RERE: variants seen among roughly 807,000 people sequenced by gnomAD.
RERE encodes arginine-glutamic acid dipeptide repeats, also known as arginine-glutamic acid dipeptide repeats protein.
Under a neutral mutation model 146.1 loss-of-function variants are expected in RERE, and 40 were observed. That is an observed-to-expected ratio of 0.27 (90% CI 0.21 to 0.36). The LOEUF (loss-of-function observed/expected upper bound fraction) is 0.36. Among genes scored for constraint, RERE ranks in the 10% least tolerant of loss-of-function variants. The probability of loss-of-function intolerance (pLI) is 1.00; values close to 1 mark genes in which losing one functional copy is unlikely to be tolerated. For synonymous variants in RERE, 1,003 were observed against 866.0 expected, an observed-to-expected ratio of 1.16 and a Z score of -2.78; for missense variants, 1,933 against 2,138.7, an observed-to-expected ratio of 0.90 and a Z score of 1.90.
intron 4 of RERE, among the ~76,000 whole-genome samples, chr1:8,605,260 G>A (rs921572458): frequency 6.6e-6 from 1 of 152,112 alleles, no homozygotes; most frequent in African/African-American, 2.4e-5. Context: ...AGCCTCCCAA[G>A]TAGCTGGGAC....
At chr1:8,650,960 A>C (rs1346855826) in intron 2 of RERE, among the ~76,000 whole-genome samples, 1 of 149,512 alleles carries the variant, frequency 6.7e-6, no homozygotes, top group Non-Finnish European at 1.5e-5. Flanking sequence ...AGCTGGGTGT[A>C]GTGCCACGTG....
chr1:8,543,161 G>A (rs1645819526), intron 6 of RERE, among the ~76,000 whole-genome samples: 1 of 152,136 alleles, frequency 6.6e-6, no homozygotes, highest in Non-Finnish European at 1.5e-5. Flanking sequence ...TCCAATTCAA[G>A]GAAAAATACA....
At chr1:8,721,090 G>A (rs1280318117) in intron 1 of RERE, among the ~76,000 whole-genome samples, 2 of 152,120 alleles carry the variant, frequency 1.3e-5, no homozygotes, top group East Asian at 3.9e-4. Flanking sequence ...TCAGGTACCC[G>A]ATAGGTCATC....
At chr1:8,501,035 G>GGT (rs1645135189) in intron 8 of RERE, among the ~76,000 whole-genome samples, 1 of 122,542 alleles carries the variant, frequency 8.2e-6, no homozygotes, top group East Asian at 2.3e-4. Context: ...TCCGGGAGGG[G>GGT]GGGGGGGGGT....
intron 7 of RERE, among the ~76,000 whole-genome samples, chr1:8,521,058 C>T (rs752393104): frequency 2.6e-5 from 4 of 151,204 alleles, no homozygotes; most frequent in Non-Finnish European, 5.9e-5. Context: ...AGAACACAAA[C>T]AGGCAATAAC....
rs551011849 is a variant in RERE at position 8,577,021 on chromosome 1, T to C, written c.523-19498A>G. ...CGTCTCTACTAAAAATACAAAAAAA[T>C]TAGCTGGGCGTGGTGGCGGCGCCTG... On this transcript the variant is annotated intron_variant, in intron 4 of 22. Transcript: ENST00000400908. Among the ~76,000 whole-genome samples the C allele has an allele frequency of 2.5e-3, 381 of 152,082 alleles. 2 individuals are homozygous for C. The highest frequency in any genetic ancestry group is 8.8e-3 in the African/African-American group (366 of 41,472).
chr1:8,644,177 C>A (rs950839963), intron 2 of RERE, among the ~76,000 whole-genome samples: 2 of 152,200 alleles, frequency 1.3e-5, no homozygotes, highest in Non-Finnish European at 2.9e-5. Context: ...CCATCATGTG[C>A]AGGCTTGGGA....
chr1:8,517,662 T>G (rs1645437890), intron 7 of RERE, among the ~76,000 whole-genome samples: 1 of 152,226 alleles, frequency 6.6e-6, no homozygotes, highest in Non-Finnish European at 1.5e-5. Context: ...GTTGTTTTTA[T>G]TCCTGAAGTA....
At chr1:8,361,706 T>A in intron 17 of RERE, 57 bp downstream of exon 17, 3 of 1,480,214 alleles carry the variant, frequency 2.0e-6, no homozygotes, top group East Asian at 2.3e-5. Flanking sequence ...GAACCCCGGC[T>A]GGGGGCTTCT....
At chr1:8,497,327 G>C in intron 9 of RERE, 78 bp downstream of exon 9, 1 of 1,494,238 alleles carries the variant, frequency 6.7e-7, no homozygotes. Context: ...AAATCTCAGG[G>C]GAAATGCAAA....
At chr1:8,774,387 CTT>C (rs1641017725) in intron 1 of RERE, among the ~76,000 whole-genome samples, 1 of 115,008 alleles carries the variant, frequency 8.7e-6, no homozygotes, top group Non-Finnish European at 1.7e-5. Context: ...GAGTTTCGCT[CTT>C]GTTGCCCAGG....
At chr1:8,781,992 T>A (rs1641173832) in intron 1 of RERE, among the ~76,000 whole-genome samples, 1 of 152,188 alleles carries the variant, frequency 6.6e-6, no homozygotes, top group African/African-American at 2.4e-5. Context: ...GCTACTTCTG[T>A]AAATGTCTTC....
chr1:8,572,235 C>A (rs917248834), intron 4 of RERE, among the ~76,000 whole-genome samples: 1 of 152,142 alleles, frequency 6.6e-6, no homozygotes, highest in Non-Finnish European at 1.5e-5. Context: ...AGGCAACATT[C>A]CCATTACCAC....
chr1:8,675,933 G>C (rs1638831443), intron 1 of RERE, among the ~76,000 whole-genome samples: 1 of 152,058 alleles, frequency 6.6e-6, no homozygotes, highest in Non-Finnish European at 1.5e-5. Context: ...CATTTCTTTT[G>C]AGCATCATCT....
intron 1 of RERE, among the ~76,000 whole-genome samples, chr1:8,661,228 T>C (rs1029403637): frequency 6.6e-6 from 1 of 151,682 alleles, no homozygotes; most frequent in African/African-American, 2.4e-5. Context: ...AAGTGCAAGG[T>C]CCAGAAGCAG....
At chr1:8,414,960 T>C (rs948732912) in intron 12 of RERE, among the ~76,000 whole-genome samples, 3 of 152,202 alleles carry the variant, frequency 2.0e-5, no homozygotes, top group Non-Finnish European at 2.9e-5. Flanking sequence ...CTATTAATTT[T>C]TACTCTATTT....
chr1:8,469,269 CAT>C (rs1644648323), intron 10 of RERE, among the ~76,000 whole-genome samples: 2 of 152,106 alleles, frequency 1.3e-5, no homozygotes, highest in African/African-American at 4.8e-5. Context: ...TAAAATTACC[CAT>C]GTTAAATGAG....
Position 8,358,931 on chromosome 1 carries a change from G to GA in RERE, c.3619-16dup. On this transcript the variant is annotated splice_polypyrimidine_tract_variant and intron_variant, in intron 19 of 22. Coordinates refer to ENST00000400908, the MANE Select transcript of RERE (RefSeq NM_001042681.2). ...CTGGACGCCTTCTGCAGAAGGAAAA[G>GA]AAAGCGTGAGGGGTCCCCCGAGCGC... The GA allele has an allele frequency of 6.6e-7, 1 of 1,510,584 alleles. No homozygotes were observed. 93.6% of individuals were successfully genotyped at this position (1,510,584 alleles called of 1,614,324 possible).
At chr1:8,649,608 T>C (rs1344409039) in intron 2 of RERE, among the ~76,000 whole-genome samples, 3 of 151,464 alleles carry the variant, frequency 2.0e-5, no homozygotes, top group African/African-American at 7.3e-5. Context: ...CACACGCCTG[T>C]AATCCCAGCT....
Sources: gnomAD v4.1 joint callset for allele counts (sites outside exome capture counted in the v4.1 genomes callset) on GRCh38, gnomAD v4.1.1 for gene constraint, MANE v1.5 for transcripts, NCBI Gene and HGNC (gene_info 2026-07-23, HGNC 2026-07-21) for gene names.